Variants in OSBP2 observed in about 807,000 individuals in gnomAD.
The protein encoded by OSBP2 is oxysterol-binding protein 2.
A neutral mutation model predicts 96.0 loss-of-function variants in OSBP2; 66 were observed. The observed-to-expected ratio is 0.69, with a 90% confidence interval of 0.56 to 0.84. The LOEUF is 0.84. Ranked by LOEUF, OSBP2 falls within the 40% of genes least tolerant of loss-of-function variation. OSBP2 has a pLI of 0.00. For missense variants in OSBP2, 1,038 were observed against 1,222.7 expected (o/e 0.85, Z 2.25); for synonymous variants, 525 against 520.9 (o/e 1.01, Z -0.11).
chr22:30,812,775 A>G (rs946131307), intron 2 of OSBP2, among the ~76,000 whole-genome samples: 10 of 152,282 alleles, frequency 6.6e-5, no homozygotes, highest in African/African-American at 2.2e-4. Flanking sequence ...CGACCCCATC[A>G]TTCTTTTTAC....
intron 1 of OSBP2, among the ~76,000 whole-genome samples, chr22:30,711,876 C>T (rs767902602): frequency 6.6e-6 from 1 of 151,974 alleles, no homozygotes; most frequent in Non-Finnish European, 1.5e-5. Flanking sequence ...GGTTGGTAAT[C>T]ATCATTATCT....
chr22:30,874,636 C>T (rs990983324), intron 3 of OSBP2, among the ~76,000 whole-genome samples: 1 of 152,170 alleles, frequency 6.6e-6, no homozygotes, highest in Non-Finnish European at 1.5e-5. Context: ...GCCATCCTCA[C>T]CTCATATCAG....
At chr22:30,780,589 C>T (rs1194843598) in intron 2 of OSBP2, among the ~76,000 whole-genome samples, 2 of 152,192 alleles carry the variant, frequency 1.3e-5, no homozygotes, top group African/African-American at 4.8e-5. Flanking sequence ...CCTCCACCTC[C>T]CGGGTTCAAG....
intron 12 of OSBP2, chr22:30,902,168 C>A: frequency 1.6e-6 from 1 of 612,372 alleles, no homozygotes; most frequent in Non-Finnish European, 2.7e-6. Flanking sequence ...GGTCCCACGG[C>A]AGTACTGGTG....
intron 2 of OSBP2, among the ~76,000 whole-genome samples, chr22:30,858,967 T>C (rs5997787): frequency 0.51 from 76,433 of 151,242 alleles, 20,729 homozygotes; most frequent in East Asian, 0.7. Flanking sequence ...AATAGGTTCC[T>C]ATTTAGTACC....
Position 30,881,758 on chromosome 22 carries a change from C to CCGG in OSBP2, c.1108-5666_1108-5664dup. Reference sequence around the variant, plus strand: ...CAGCCAGGATGGGGCCTGGAGAAGGCCGGCAGCAGCAGAGGAGACCCTGGG... The same window carrying CCGG: ...CAGCCAGGATGGGGCCTGGAGAAGGCCGGCGGCAGCAGCAGAGGAGACCCTGGG... On this transcript the variant is annotated intron_variant, in intron 3 of 13. Transcript: ENST00000332585. This position sits in a 1 kb window ranked among gnomAD's most constrained non-coding sequence, Gnocchi z 4.5. 1 of 1,304,150 alleles carries CCGG rather than the reference C, an allele frequency of 7.7e-7. No homozygotes were observed. Among genetic ancestry groups the CCGG allele is most frequent in the Non-Finnish European group, 1.0e-6 (1 of 988,930 alleles). The allele number at this position is 1,304,150 out of a possible 1,614,324, so 80.8% of individuals were successfully genotyped here. A position where few individuals can be genotyped will look rare whatever the true frequency, so the allele number is the denominator to read the frequency against.
chr22:30,767,251 A>G (rs924554875), intron 2 of OSBP2, among the ~76,000 whole-genome samples: 29 of 151,576 alleles, frequency 1.9e-4, no homozygotes, highest in African/African-American at 6.8e-4. Flanking sequence ...CAAAGGTTTC[A>G]GTGAGCTAAG....
intron 1 of OSBP2, among the ~76,000 whole-genome samples, chr22:30,736,439 G>A (rs1480242090): frequency 6.6e-6 from 1 of 152,130 alleles, no homozygotes; most frequent in Non-Finnish European, 1.5e-5. Flanking sequence ...TGGGGGCTTG[G>A]GGCTTCTGCC....
At chr22:30,861,397 T>G (rs1392266012) in intron 2 of OSBP2, among the ~76,000 whole-genome samples, 4 of 152,034 alleles carry the variant, frequency 2.6e-5, no homozygotes, top group Non-Finnish European at 4.4e-5. Context: ...CCAGATGTGG[T>G]CTCCTCAGCT....
At chr22:30,843,455 C>T (rs1410727187) in intron 2 of OSBP2, among the ~76,000 whole-genome samples, 1 of 150,272 alleles carries the variant, frequency 6.7e-6, no homozygotes, top group East Asian at 2.0e-4. Flanking sequence ...CCCCCCTCCC[C>T]CTTGAGCAAT....
chr22:30,714,212 C>T lies in OSBP2; in HGVS notation c.644+18659C>T, dbSNP rs79158974. On this transcript the variant is annotated intron_variant, in intron 1 of 13. Coordinates refer to ENST00000332585, the MANE Select transcript of OSBP2 (RefSeq NM_030758.4). ...TACTTAACATAATGTTCTCTGGGCT[C>T]ATGCATGTTGTGCACATACAAGATT... Among the ~76,000 whole-genome samples, 1,421 of 152,272 alleles carry T rather than the reference C, an allele frequency of 9.3e-3. 17 individuals are homozygous for T. Among genetic ancestry groups the T allele is most frequent in the African/African-American group, 0.032 (1,311 of 41,556 alleles).
In OSBP2 at chr22:30,891,636, G is replaced by A. The variant is rs905012701; in HGVS notation, c.1869+663G>A. ...TGGCTGCAGTGACACACGCAGGGGT[G>A]TGGTGGCCAGACCTGGGGGAAGGGG... On this transcript the variant is annotated intron_variant, in intron 8 of 13. Coordinates refer to ENST00000332585, the MANE Select transcript of OSBP2 (RefSeq NM_030758.4). Among the ~76,000 whole-genome samples the A allele has an allele frequency of 1.3e-5, 2 of 152,164 alleles. 1 individual carries two copies. The highest frequency in any genetic ancestry group is 1.3e-4 in the Admixed American group (2 of 15,278).
chr22:30,742,271 A>T (rs2089949661), intron 2 of OSBP2, among the ~76,000 whole-genome samples: 1 of 151,926 alleles, frequency 6.6e-6, no homozygotes, highest in Non-Finnish European at 1.5e-5. Flanking sequence ...TCTGTACTAA[A>T]GATACAAAAA....
intron 2 of OSBP2, among the ~76,000 whole-genome samples, chr22:30,858,606 C>T (rs1192173516): frequency 1.3e-5 from 2 of 151,568 alleles, no homozygotes; most frequent in East Asian, 2.0e-4. Flanking sequence ...TGGCCAGGGA[C>T]GGTGGCTCAC....
chr22:30,755,313 C>T (rs781511405), intron 2 of OSBP2, among the ~76,000 whole-genome samples: 11 of 152,188 alleles, frequency 7.2e-5, no homozygotes, highest in Admixed American at 1.3e-4. Context: ...AGGAGACTTC[C>T]CTGCTGGGCT....
At chr22:30,785,359 G>A (rs58359759) in intron 2 of OSBP2, among the ~76,000 whole-genome samples, 1 of 151,776 alleles carries the variant, frequency 6.6e-6, no homozygotes, top group Non-Finnish European at 1.5e-5. Context: ...ACCTGAGGTC[G>A]GCAGTTTGAG....
At chr22:30,859,690 C>T (rs1039504134) in intron 2 of OSBP2, among the ~76,000 whole-genome samples, 9 of 152,158 alleles carry the variant, frequency 5.9e-5, no homozygotes, top group Non-Finnish European at 1.0e-4. Context: ...ATGGGGCAGC[C>T]GCTAACAAGG....
intron 3 of OSBP2, among the ~76,000 whole-genome samples, chr22:30,873,123 C>T (rs950326410): frequency 1.1e-4 from 17 of 152,292 alleles, no homozygotes; most frequent in East Asian, 3.9e-4. Context: ...TTAGTGTCAA[C>T]GTGGAAACTG....
chr22:30,881,194 C>G lies in OSBP2; in HGVS notation c.1108-6232C>G, dbSNP rs187676266. On this transcript the variant is annotated intron_variant, in intron 3 of 13. Transcript: ENST00000332585. The surrounding 1 kb of genome is among the most constrained non-coding windows in gnomAD (Gnocchi z 4.5). ...ACCCCCAACACCCCTTTCACCAGAACCCTCTGTGCAGCACTTGGGGGTAGG... is the reference window on the plus strand; with the variant it reads ...ACCCCCAACACCCCTTTCACCAGAAGCCTCTGTGCAGCACTTGGGGGTAGG... Among the ~76,000 whole-genome samples the G allele has an allele frequency of 3.3e-5, 5 of 152,186 alleles. No individual in the cohort carries two copies. Among genetic ancestry groups the G allele is most frequent in the Non-Finnish European group, 5.9e-5 (4 of 68,024 alleles).
Sources: gnomAD v4.1 joint callset for allele counts (sites outside exome capture counted in the v4.1 genomes callset) on GRCh38, gnomAD v4.1.1 for gene constraint, Gnocchi (gnomAD v3.1) non-coding constraint, MANE v1.5 for transcripts, NCBI Gene and HGNC (gene_info 2026-07-23, HGNC 2026-07-21) for gene names.